Variants in ZNF532 observed in about 807,000 individuals in gnomAD.
ZNF532 encodes the protein zinc finger protein 532.
Under a neutral mutation model 89.3 loss-of-function variants are expected in ZNF532, and 22 were observed. The ratio of observed to expected loss-of-function variants is 0.25; its 90% CI spans 0.18 to 0.35. ZNF532 has a LOEUF of 0.35. ZNF532 is among the 10% of genes least tolerant of loss of function. The pLI, the probability that ZNF532 is intolerant of heterozygous loss-of-function variation, is 1.00. For synonymous variants in ZNF532, 606 were observed against 649.6 expected, an observed-to-expected ratio of 0.93 and a Z score of 1.02; for missense variants, 1,132 against 1,643.4, an observed-to-expected ratio of 0.69 and a Z score of 5.38.
chr18:58,869,593 A>G (rs2056792324), intron 2 of ZNF532, among the ~76,000 whole-genome samples: 1 of 152,230 alleles, frequency 6.6e-6, no homozygotes, highest in Non-Finnish European at 1.5e-5. Flanking sequence ...CTTCTGAATT[A>G]TAATTTGATT....
chr18:58,941,959 CCTCT>C (rs879779424), intron 5 of ZNF532, among the ~76,000 whole-genome samples: 23 of 135,578 alleles, frequency 1.7e-4, no homozygotes, highest in South Asian at 7.9e-4. Flanking sequence ...TTCCTCCCTC[CCTCT>C]CTCCCTCCCT....
intron 7 of ZNF532, among the ~76,000 whole-genome samples, chr18:58,963,603 A>ATGTGTGTGTGTGTGTGTGTG (rs60644289): frequency 1.9e-4 from 27 of 143,878 alleles, no homozygotes; most frequent in African/African-American, 6.6e-4. Context: ...AAAGAAAAAA[A>ATGTGTGTGTGTGTGTGTGTG]TGTGTGTGTG....
intron 7 of ZNF532, chr18:58,964,152 T>C (rs1200618505): frequency 1.3e-5 from 2 of 152,238 alleles, no homozygotes; most frequent in Non-Finnish European, 2.9e-5. Context: ...TCTTATTTAA[T>C]CTAAATGTAG....
At chr18:58,924,461 G>C (rs2061373857) in intron 3 of ZNF532, among the ~76,000 whole-genome samples, 1 of 152,208 alleles carries the variant, frequency 6.6e-6, no homozygotes, top group South Asian at 2.1e-4. Flanking sequence ...AAAGGGTATG[G>C]CCTCTGGGGT....
intron 7 of ZNF532, among the ~76,000 whole-genome samples, chr18:58,970,854 C>T (rs1242638233): frequency 6.6e-6 from 1 of 152,194 alleles, no homozygotes; most frequent in East Asian, 1.9e-4. Flanking sequence ...CCTGGTAGCC[C>T]CACCGTGCCC....
intron 2 of ZNF532, among the ~76,000 whole-genome samples, chr18:58,872,018 C>T (rs962571680): frequency 3.9e-5 from 6 of 152,176 alleles, no homozygotes; most frequent in East Asian, 1.9e-4. Flanking sequence ...TCATCTTCTA[C>T]GGCAGGAAGT....
At chr18:58,884,573 A>C (rs1453771452) in intron 2 of ZNF532, among the ~76,000 whole-genome samples, 1 of 152,244 alleles carries the variant, frequency 6.6e-6, no homozygotes, top group Non-Finnish European at 1.5e-5. Context: ...ATCACTTCTA[A>C]TGTAGGAAAT....
intron 6 of ZNF532, 88 bp from the exon 7 acceptor site, chr18:58,953,430 A>C: frequency 8.6e-7 from 1 of 1,160,312 alleles, no homozygotes; most frequent in Non-Finnish European, 1.2e-6. Context: ...TGGTGTTGAA[A>C]TGTGTACCAC....
chr18:58,943,267 C>G (rs1408921088), intron 5 of ZNF532, among the ~76,000 whole-genome samples: 4 of 148,192 alleles, frequency 2.7e-5, no homozygotes, highest in Non-Finnish European at 4.4e-5. Flanking sequence ...TCTCGCCATT[C>G]TTCTGCCTCA....
At chr18:58,948,446 A>G (rs1033712060) in intron 6 of ZNF532, among the ~76,000 whole-genome samples, 1 of 152,168 alleles carries the variant, frequency 6.6e-6, no homozygotes, top group Non-Finnish European at 1.5e-5. Flanking sequence ...ACTAAAGATT[A>G]GTGAAAAGGA....
intron 7 of ZNF532, among the ~76,000 whole-genome samples, chr18:58,974,972 G>GTTGT (rs1299051114): frequency 6.6e-6 from 1 of 152,200 alleles, no homozygotes; most frequent in Non-Finnish European, 1.5e-5. Flanking sequence ...TAGAGGCCCT[G>GTTGT]TTGTTTTGTT....
chr18:58,941,972 C>CTCCCTCCT (rs200257020), intron 5 of ZNF532, among the ~76,000 whole-genome samples: 15,388 of 129,364 alleles, frequency 0.12, 1,259 homozygotes, highest in Non-Finnish European at 0.17. Flanking sequence ...CTCTCCCTCC[C>CTCCCTCCT]TCCCTCCTTC....
At position 58,984,643 on chromosome 18, in the gene ZNF532, A is replaced by C; in HGVS notation, c.*177A>C. The C allele has an allele frequency of 1.5e-6, 1 of 679,366 alleles. No homozygotes were observed. The highest frequency in any genetic ancestry group is 2.4e-6 in the Non-Finnish European group (1 of 425,290). The allele number at this position is 679,366 out of a possible 1,614,324, so 42.1% of individuals were successfully genotyped here. ...TATCCTCGATAAGTATTAAAACAGT[A>C]TTTGAGTTTAAAAGAGTTTGTATAT... On this transcript the variant is annotated 3_prime_UTR_variant, in exon 10 of 10. Coordinates refer to ENST00000591808, the MANE Select transcript of ZNF532 (RefSeq NM_001375912.1).
chr18:58,956,762 C>A (rs1351479584), intron 7 of ZNF532, among the ~76,000 whole-genome samples: 1 of 152,168 alleles, frequency 6.6e-6, no homozygotes, highest in South Asian at 2.1e-4. Context: ...CACCCCACAG[C>A]GGTGTTTCAC....
chr18:58,948,693 G>A (rs1352888237), intron 6 of ZNF532, among the ~76,000 whole-genome samples: 2 of 150,856 alleles, frequency 1.3e-5, no homozygotes, highest in Admixed American at 1.3e-4. Flanking sequence ...TCAGCCTCCC[G>A]AGTAGCTGGG....
chr18:58,963,643 GTGTA>G (rs1375513497), intron 7 of ZNF532, among the ~76,000 whole-genome samples: 9 of 122,174 alleles, frequency 7.4e-5, no homozygotes, highest in East Asian at 3.0e-4. Context: ...GTGTGTGTGT[GTGTA>G]TGTATATAAA....
intron 6 of ZNF532, among the ~76,000 whole-genome samples, chr18:58,951,078 C>G (rs916174232): frequency 2.4e-4 from 36 of 152,206 alleles, no homozygotes; most frequent in African/African-American, 8.4e-4. Context: ...ACCTCAGCCC[C>G]CCGAATAGCT....
chr18:58,984,079 T>A lies in ZNF532; in HGVS notation c.3519T>A (p.Val1173=). The A allele has an allele frequency of 6.2e-7, 1 of 1,611,884 alleles. No homozygotes were observed. The highest frequency in any genetic ancestry group is 8.5e-7 in the Non-Finnish European group (1 of 1,179,842). Residue 1173 remains valine (V), a synonymous_variant, in exon 10 of 10, where the codon GTT becomes GTA. Transcript: ENST00000591808. ...LKKLKINVFK[V]HKCAVCGFTT... ...AGCTGAAAATCAATGTTTTTAAGGT[T>A]CACAAGTGTGCCGTGTGTGGCTTCA... is the stretch of plus-strand genomic sequence containing the variant.
At chr18:58,972,563 C>G (rs2066580913) in intron 7 of ZNF532, among the ~76,000 whole-genome samples, 1 of 151,992 alleles carries the variant, frequency 6.6e-6, no homozygotes, top group Non-Finnish European at 1.5e-5. Flanking sequence ...ATATCTGGGC[C>G]CCTTCGTCAC....
Sources: allele counts gnomAD v4.1 joint callset (sites outside exome capture counted in the v4.1 genomes callset), GRCh38; gene constraint gnomAD v4.1.1; transcripts MANE v1.5; gene names NCBI Gene and HGNC (gene_info 2026-07-23, HGNC 2026-07-21).